GLRA2: variants seen among roughly 807,000 people sequenced by gnomAD.
GLRA2 encodes glycine receptor alpha 2, also known as glycine receptor subunit alpha-2.
GLRA2 carries 11 observed loss-of-function variants against 31.6 expected under a neutral mutation model. The ratio of observed to expected loss-of-function variants is 0.35; its 90% CI spans 0.22 to 0.58. The LOEUF (loss-of-function observed/expected upper bound fraction) is 0.58. Ranked by LOEUF, GLRA2 falls within the 20% of genes least tolerant of loss-of-function variation. GLRA2 has a pLI of 0.84. For missense variants in GLRA2, 212 were observed against 351.8 expected (o/e 0.60, Z 3.18); for synonymous variants, 132 against 134.0 (o/e 0.99, Z 0.10).
At chrX:14,658,215 C>T (rs2090958336) in intron 7 of GLRA2, among the ~76,000 whole-genome samples, 1 of 111,555 alleles carries the variant, frequency 9.0e-6, no homozygotes, top group African/African-American at 3.3e-5. Flanking sequence ...CACACTATGA[C>T]AAAGACTATA....
chrX:14,647,835 C>T (rs938603727), intron 7 of GLRA2, among the ~76,000 whole-genome samples: 13 of 111,546 alleles, frequency 1.2e-4, no homozygotes, highest in African/African-American at 3.6e-4. Context: ...AATGTAAAAA[C>T]GTAGAAATTA....
intron 4 of GLRA2, among the ~76,000 whole-genome samples, chrX:14,587,188 A>G (rs1453002980): frequency 2.7e-5 from 3 of 112,217 alleles, no homozygotes; most frequent in African/African-American, 9.7e-5. Context: ...CATTTTCTTT[A>G]ATCTACCATT....
At chrX:14,610,597 G>A (rs1310686068) in intron 7 of GLRA2, among the ~76,000 whole-genome samples, 1 of 111,526 alleles carries the variant, frequency 9.0e-6, no homozygotes, top group African/African-American at 3.2e-5. Flanking sequence ...TCCCAAACAG[G>A]TTCATTTGCT....
intron 7 of GLRA2, among the ~76,000 whole-genome samples, chrX:14,656,837 A>G (rs1350155814): frequency 8.9e-6 from 1 of 112,184 alleles, no homozygotes; most frequent in Non-Finnish European, 1.9e-5. Flanking sequence ...GGTAGTAATA[A>G]GTGCTAAGAA....
chrX:14,535,720 C>A (rs2089314607), intron 2 of GLRA2, among the ~76,000 whole-genome samples: 1 of 112,294 alleles, frequency 8.9e-6, no homozygotes, highest in African/African-American at 3.2e-5. Context: ...AAGAGATGAA[C>A]CTCTTTCCCC....
chrX:14,608,099 T>C (rs771371312), intron 6 of GLRA2, among the ~76,000 whole-genome samples: 3 of 111,536 alleles, frequency 2.7e-5, no homozygotes. Flanking sequence ...GTGATACTTA[T>C]GAAGTAACCA....
At chrX:14,603,803 A>C (rs1210404656) in intron 4 of GLRA2, among the ~76,000 whole-genome samples, 1 of 112,083 alleles carries the variant, frequency 8.9e-6, no homozygotes, top group Non-Finnish European at 1.9e-5. Context: ...GTTAACCCAT[A>C]CATGCAGTAA....
the GLRA2 span, among the ~76,000 whole-genome samples, chrX:14,521,725 A>G: frequency 1.1e-4 from 12 of 112,378 alleles, no homozygotes; most frequent in Non-Finnish European, 1.9e-4. Context: ...AATAAAGTGA[A>G]TATAATAAAA....
chrX:14,558,800 G>C (rs185000396), intron 2 of GLRA2, among the ~76,000 whole-genome samples: 2 of 110,704 alleles, frequency 1.8e-5, no homozygotes, highest in East Asian at 2.8e-4. Context: ...GCTACCTTAG[G>C]TGTTAATTAA....
intron 7 of GLRA2, among the ~76,000 whole-genome samples, chrX:14,624,634 G>A (rs1471411351): frequency 8.9e-6 from 1 of 112,073 alleles, no homozygotes; most frequent in Non-Finnish European, 1.9e-5. Context: ...GAAGCAGGTT[G>A]CTCAGTTTCC....
chrX:14,641,036 C>G (rs992816469), intron 7 of GLRA2, among the ~76,000 whole-genome samples: 3 of 111,266 alleles, frequency 2.7e-5, no homozygotes, highest in African/African-American at 6.5e-5. Flanking sequence ...TCATTATTGT[C>G]AGGTTGCTAC....
intron 4 of GLRA2, among the ~76,000 whole-genome samples, chrX:14,582,049 A>T (rs1250210207): frequency 1.1e-5 from 1 of 87,248 alleles, no homozygotes; most frequent in Non-Finnish European, 2.2e-5. Flanking sequence ...GAACTCATAT[A>T]GCAGTTTCTT....
At chrX:14,656,309 T>C (rs1018483911) in intron 7 of GLRA2, among the ~76,000 whole-genome samples, 5 of 112,542 alleles carry the variant, frequency 4.4e-5, no homozygotes, top group African/African-American at 1.6e-4. Flanking sequence ...AAACACACTT[T>C]CCTAGAATAA....
chrX:14,474,688 GGC>G, the GLRA2 span, among the ~76,000 whole-genome samples: 4 of 92,167 alleles, frequency 4.3e-5, no homozygotes, highest in Non-Finnish European at 8.5e-5. Flanking sequence ...TGGCTGGGAT[GGC>G]TGGGATGGCT....
intron 4 of GLRA2, among the ~76,000 whole-genome samples, chrX:14,592,392 C>T (rs963297480): frequency 9.9e-5 from 11 of 111,347 alleles, no homozygotes; most frequent in African/African-American, 3.6e-4. Flanking sequence ...TCAACATGGC[C>T]GGGCAGAGTG....
At chrX:14,655,495 C>T (rs996195591) in intron 7 of GLRA2, among the ~76,000 whole-genome samples, 4 of 111,301 alleles carry the variant, frequency 3.6e-5, no homozygotes, top group Non-Finnish European at 7.5e-5. Flanking sequence ...AAGGTTATGG[C>T]CAGATTATGT....
At chrX:14,688,509 C>G (rs757658828) in intron 7 of GLRA2, among the ~76,000 whole-genome samples, 89 of 111,480 alleles carry the variant, frequency 8.0e-4, no homozygotes, top group African/African-American at 2.7e-3. Context: ...GACAGGCGCC[C>G]ATTCCCCATC....
rs1049083344 is a variant in GLRA2, at chrX:14,573,135, A to G, written c.203-1198A>G. Among the ~76,000 whole-genome samples, 9 of 112,213 alleles carry G rather than the reference A, an allele frequency of 8.0e-5. No individual in the cohort carries two copies. In the Admixed American group the frequency reaches 8.5e-4, roughly 11 times the overall value. On this transcript the variant is annotated intron_variant, in intron 2 of 8. Coordinates refer to ENST00000218075, the MANE Select transcript of GLRA2 (RefSeq NM_002063.4). Reference sequence around the variant, plus strand: ...AAATAGAAAAATTAGTTATGTTTCAAAGAATAACAACACATCTCTTTTACC... The same window carrying G: ...AAATAGAAAAATTAGTTATGTTTCAGAGAATAACAACACATCTCTTTTACC...
chrX:14,480,214 G>A, the GLRA2 span, among the ~76,000 whole-genome samples: 1 of 111,696 alleles, frequency 9.0e-6, no homozygotes, highest in Non-Finnish European at 1.9e-5. Context: ...GGGGTTATTT[G>A]TTTTTTGTTT....
Sources: gnomAD v4.1 joint callset for allele counts (sites outside exome capture counted in the v4.1 genomes callset) on GRCh38, gnomAD v4.1.1 for gene constraint, MANE v1.5 for transcripts, NCBI Gene and HGNC (gene_info 2026-07-23, HGNC 2026-07-21) for gene names.